PLCG1: variants seen among roughly 807,000 people sequenced by gnomAD.
PLCG1 encodes the protein 1-phosphatidylinositol 4,5-bisphosphate phosphodiesterase gamma-1.
Under a neutral mutation model 177.8 loss-of-function variants are expected in PLCG1, and 71 were observed. The observed-to-expected ratio is 0.40, with a 90% CI of 0.33 to 0.49. The LOEUF is 0.49. Among genes scored for constraint, PLCG1 ranks in the 20% least tolerant of loss-of-function variants. The probability of loss-of-function intolerance (pLI) is 0.72; values close to 1 mark genes in which losing one functional copy is unlikely to be tolerated. For missense variants in PLCG1, 1,281 were observed against 1,709.0 expected (o/e 0.75, Z 4.42); for synonymous variants, 658 against 647.9 (o/e 1.02, Z -0.24).
chr20:41,174,731 T>G lies in PLCG1; in HGVS notation c.*222T>G. Reference sequence around the variant, plus strand: ...CTCTGGATGAAGGCAAAAACTGTACTGTGTTTCGCATTAAGCACACACATC... The same window carrying G: ...CTCTGGATGAAGGCAAAAACTGTACGGTGTTTCGCATTAAGCACACACATC... On this transcript the variant is annotated 3_prime_UTR_variant, in exon 32 of 32. Transcript: ENST00000685551. This position sits in a 1 kb window ranked among gnomAD's most constrained non-coding sequence, Gnocchi z 5.8. 1 of 577,312 alleles carries G rather than the reference T, an allele frequency of 1.7e-6. No homozygotes were observed. The highest frequency in any genetic ancestry group is 2.0e-5 in the South Asian group (1 of 50,334). The allele number at this position is 577,312 out of a possible 1,614,324, so 35.8% of individuals were successfully genotyped here.
In PLCG1 at chr20:41,163,038, A is replaced by G. The variant is rs376173525; in HGVS notation, c.716+46A>G. On this transcript the variant is annotated intron_variant, in intron 7 of 31. Transcript: ENST00000685551. This position sits in a 1 kb window ranked among gnomAD's most constrained non-coding sequence, Gnocchi z 5.2. Reference sequence around the variant, plus strand: ...GTGGGGTTTTCCCTGGGCCCCCTTCATCTCTCCACTGGGCGATTCTTGATC... The same window carrying G: ...GTGGGGTTTTCCCTGGGCCCCCTTCGTCTCTCCACTGGGCGATTCTTGATC... 2 of 1,588,404 alleles carry G rather than the reference A, an allele frequency of 1.3e-6. No homozygotes were observed.
In PLCG1 at chr20:41,174,307, C is replaced by T. The variant is rs1201052162; in HGVS notation, c.3829C>T (p.Arg1277Ter). 4.3e-6 allele frequency: 7 copies of T among 1,613,238 alleles called. No homozygotes were observed. The highest frequency in any genetic ancestry group is 2.5e-6 in the Non-Finnish European group (3 of 1,179,216). Residue 1277 changes from arginine (R) to a stop codon, truncating the protein, a stop_gained, in exon 31 of 32, where the codon CGA becomes TGA. Coordinates refer to ENST00000685551, the MANE Select transcript of PLCG1 (RefSeq NM_002660.3). LOFTEE classifies it high-confidence loss of function. The surrounding 1 kb of genome is among the most constrained non-coding windows in gnomAD (Gnocchi z 5.8). ...HLADHFDSRE[R>*]RAPRRTRVNG... Reference sequence around the variant, plus strand: ...CGCAGACCATTTTGACAGTCGAGAACGAAGGTGAGGAAGATGGAGGGGTGC... The same window carrying T: ...CGCAGACCATTTTGACAGTCGAGAATGAAGGTGAGGAAGATGGAGGGGTGC...
At chr20:41,140,983 G>A (rs960734453) in intron 1 of PLCG1, among the ~76,000 whole-genome samples, 17 of 152,190 alleles carry the variant, frequency 1.1e-4, no homozygotes, top group African/African-American at 4.1e-4. Flanking sequence ...TGGCTCCTCT[G>A]TGAGACACCT....
Position 41,173,584 on chromosome 20 carries a change from GCCTCTCCCCACCAGTCATCCCAT to G in PLCG1, c.3394+59_3395-37del, listed in dbSNP as rs745937298. Reference sequence around the variant, plus strand: ...TCCTCATCCTGCTGGGGCACTGCAAGCCTCTCCCCACCAGTCATCCCATCCTCTCCCACGGTGACCTGAAGCCT... The same window carrying G: ...TCCTCATCCTGCTGGGGCACTGCAAGCCTCTCCCACGGTGACCTGAAGCCT... On this transcript the variant is annotated intron_variant, in intron 28 of 31. Transcript: ENST00000685551. The surrounding 1 kb of genome is among the most constrained non-coding windows in gnomAD (Gnocchi z 6.2). The G allele has an allele frequency of 4.3e-6, 7 of 1,613,884 alleles. No individual in the cohort carries two copies. The African/African-American group carries it at 9.3e-5, about 22-fold the overall frequency.
Position 41,168,113 on chromosome 20 carries a change from A to T in PLCG1, c.2379+184A>T, listed in dbSNP as rs917582974. On this transcript the variant is annotated intron_variant, in intron 20 of 31. Coordinates refer to ENST00000685551, the MANE Select transcript of PLCG1 (RefSeq NM_002660.3). ...ACCGCAGGTCTCCCAGGGCCGACCC[A>T]CTCCCTAGCCCCTACCCCTTAAGTC... 2.4e-4 allele frequency among the ~76,000 whole-genome samples: 37 copies of T among 151,550 alleles called. 1 individual carries two copies.
intron 1 of PLCG1, chr20:41,138,092 T>A (rs1007553432): frequency 8.3e-6 from 3 of 363,328 alleles, no homozygotes; most frequent in Non-Finnish European, 9.8e-6. Context: ...GGGGGAGTGT[T>A]CCAGGCGCTT....
At position 41,150,527 on chromosome 20, in the gene PLCG1, C is replaced by T. The variant is rs939842381; in HGVS notation, c.218-9079C>T. 1.3e-5 allele frequency among the ~76,000 whole-genome samples: 2 copies of T among 152,120 alleles called. No individual in the cohort carries two copies. Among genetic ancestry groups the T allele is most frequent in the African/African-American group, 4.8e-5 (2 of 41,418 alleles). On this transcript the variant is annotated intron_variant, in intron 1 of 31. Coordinates refer to ENST00000685551, the MANE Select transcript of PLCG1 (RefSeq NM_002660.3). This position sits in a 1 kb window ranked among gnomAD's most constrained non-coding sequence, Gnocchi z 4.0. Reference sequence around the variant, plus strand: ...AGGCAGCATCAGTCTGCAAGGGAGGCAGAGTTTGGAGCACACTAGACTCCT... The same window carrying T: ...AGGCAGCATCAGTCTGCAAGGGAGGTAGAGTTTGGAGCACACTAGACTCCT...
In PLCG1 at chr20:41,164,452, C is replaced by T. The variant is rs1025618590; in HGVS notation, c.1217+251C>T. On this transcript the variant is annotated intron_variant, in intron 12 of 31. Coordinates refer to ENST00000685551, the MANE Select transcript of PLCG1 (RefSeq NM_002660.3). The surrounding 1 kb of genome is among the most constrained non-coding windows in gnomAD (Gnocchi z 6.4). ...GGTCCTTTAGACTGTAGAACACATG[C>T]TCTTCTCATCTTCAGAAAACATGCC... Among the ~76,000 whole-genome samples the T allele has an allele frequency of 6.6e-6, 1 of 152,106 alleles. No individual in the cohort carries two copies. Among genetic ancestry groups the T allele is most frequent in the African/African-American group, 2.4e-5 (1 of 41,408 alleles).
chr20:41,172,650 G>C lies in PLCG1; in HGVS notation c.3130+5G>C. On this transcript the variant is annotated splice_donor_5th_base_variant and intron_variant, in intron 26 of 31. Transcript: ENST00000685551. This position sits in a 1 kb window ranked among gnomAD's most constrained non-coding sequence, Gnocchi z 7.0. The stretch of plus-strand genomic sequence containing the variant: ...CCCTCAACTTCCAGACCCCTGGTGA[G>C]GAAGTCCCCTGTGAGGAGGGTGAGG... The C allele has an allele frequency of 6.2e-7, 1 of 1,613,796 alleles. No homozygotes were observed. Among genetic ancestry groups the C allele is most frequent in the African/African-American group, 1.3e-5 (1 of 75,034 alleles).
rs2146028033 is a variant in PLCG1 at position 41,157,895 on chromosome 20, A to G, written c.218-1711A>G. 6.6e-6 allele frequency among the ~76,000 whole-genome samples: 1 copy of G among 152,300 alleles called. No individual in the cohort carries two copies. Among genetic ancestry groups the G allele is most frequent in the East Asian group, 1.9e-4 (1 of 5,182 alleles). On this transcript the variant is annotated intron_variant, in intron 1 of 31. Transcript: ENST00000685551. The surrounding 1 kb of genome is among the most constrained non-coding windows in gnomAD (Gnocchi z 5.4). ...TGTTGTTTGTTCTCCTTAGACTGGC[A>G]GTGGGCAGCCTCGGGAGGGGCTTGA...
Position 41,151,922 on chromosome 20 carries a change from G to T in PLCG1, c.218-7684G>T, listed in dbSNP as rs1489679843. Among the ~76,000 whole-genome samples the T allele has an allele frequency of 6.6e-6, 1 of 152,186 alleles. No individual in the cohort carries two copies. The highest frequency in any genetic ancestry group is 1.9e-4 in the East Asian group (1 of 5,188). ...TCTGGCTGCCTGTGAAGGGGGATCT[G>T]CAGTGCAGTGCCTGCCGTACCCCAC... is the stretch of plus-strand genomic sequence containing the variant. On this transcript the variant is annotated intron_variant, in intron 1 of 31. Transcript: ENST00000685551. This position sits in a 1 kb window ranked among gnomAD's most constrained non-coding sequence, Gnocchi z 5.5.
Position 41,151,284 on chromosome 20 carries a change from C to T in PLCG1, c.218-8322C>T, listed in dbSNP as rs916516412. Among the ~76,000 whole-genome samples, 5 of 152,152 alleles carry T rather than the reference C, an allele frequency of 3.3e-5. No homozygotes were observed. Among genetic ancestry groups the T allele is most frequent in the African/African-American group, 1.2e-4 (5 of 41,410 alleles). ...GCTGTGGGGACACTGCAGAGTGTCC[C>T]AGTTCTGCCATGACTCACCATATGA... On this transcript the variant is annotated intron_variant, in intron 1 of 31. Coordinates refer to ENST00000685551, the MANE Select transcript of PLCG1 (RefSeq NM_002660.3). This position sits in a 1 kb window ranked among gnomAD's most constrained non-coding sequence, Gnocchi z 5.5.
Position 41,156,846 on chromosome 20 carries a change from G to A in PLCG1, c.218-2760G>A, listed in dbSNP as rs2035336907. Among the ~76,000 whole-genome samples, 1 of 152,248 alleles carries A rather than the reference G, an allele frequency of 6.6e-6. No homozygotes were observed. The highest frequency in any genetic ancestry group is 1.5e-5 in the Non-Finnish European group (1 of 68,046). ...TCTGTCACCTGCCACCAGGGCAGAG[G>A]CCATTCCTCTCTGGGGAGTCTCCTT... On this transcript the variant is annotated intron_variant, in intron 1 of 31. Coordinates refer to ENST00000685551, the MANE Select transcript of PLCG1 (RefSeq NM_002660.3). This position sits in a 1 kb window ranked among gnomAD's most constrained non-coding sequence, Gnocchi z 5.0.
chr20:41,162,211 GTTTT>G (rs199840221), intron 4 of PLCG1, among the ~76,000 whole-genome samples: 1 of 137,828 alleles, frequency 7.3e-6, no homozygotes, highest in African/African-American at 2.7e-5. Context: ...AGAATTACAG[GTTTT>G]TTTTGTTTGT....
chr20:41,166,109 A>T lies in PLCG1; in HGVS notation c.1800-85A>T. ...CTCCCTCCTTGAGGCTCCCTCCTTG[A>T]GTTCCACCCTCATTTGGGGTGGAAC... On this transcript the variant is annotated intron_variant, in intron 16 of 31. Transcript: ENST00000685551. This position sits in a 1 kb window ranked among gnomAD's most constrained non-coding sequence, Gnocchi z 8.6. The T allele has an allele frequency of 8.1e-7, 1 of 1,227,208 alleles. No homozygotes were observed. The highest frequency in any genetic ancestry group is 1.2e-6 in the Non-Finnish European group (1 of 859,964). The allele number at this position is 1,227,208 out of a possible 1,614,324, so 76.0% of individuals were successfully genotyped here.
Position 41,157,202 on chromosome 20 carries a change from C to CTGTGTGTGTGTG in PLCG1, c.218-2403_218-2402insGTGTGTGTGTGT, listed in dbSNP as rs1491358367. Among the ~76,000 whole-genome samples the CTGTGTGTGTGTG allele has an allele frequency of 1.3e-4, 8 of 59,318 alleles. No individual in the cohort carries two copies. The highest frequency in any genetic ancestry group is 7.4e-4 in the African/African-American group (8 of 10,836). 38.9% of individuals were successfully genotyped at this position (59,318 alleles called of 152,430 possible). ...ATGTGCAGGAGTGCAGGCCTGTTGA[C>CTGTGTGTGTGTG]TCTGTGTGTGTGTGTGTGTGTGTGT... is the stretch of plus-strand genomic sequence containing the variant. On this transcript the variant is annotated intron_variant, in intron 1 of 31. Transcript: ENST00000685551. This position sits in a 1 kb window ranked among gnomAD's most constrained non-coding sequence, Gnocchi z 5.4.
Position 41,172,236 on chromosome 20 carries a change from T to C in PLCG1, c.2852T>C (p.Leu951Pro), listed in dbSNP as rs1393992845. ...ATGGAACGGAGGAAGAAGATTGCCC[T>C]GGAGCTCTCTGAACTTGTCGTCTAC... ...KIMERRKKIA[L>P]ELSELVVYCR... is the part of the protein sequence containing the mutation. Residue 951 changes from leucine to proline, a missense_variant, in exon 25 of 32, where the codon CTG (leucine) becomes CCG (proline). Coordinates refer to ENST00000685551, the MANE Select transcript of PLCG1 (RefSeq NM_002660.3). This position sits in a 1 kb window ranked among gnomAD's most constrained non-coding sequence, Gnocchi z 7.0. 1 of 1,614,160 alleles carries C rather than the reference T, an allele frequency of 6.2e-7. No individual in the cohort carries two copies. The highest frequency in any genetic ancestry group is 1.7e-5 in the Admixed American group (1 of 60,038).
rs1485846319 is a variant in PLCG1 at position 41,159,067 on chromosome 20, CAG to C, written c.218-538_218-537del. On this transcript the variant is annotated intron_variant, in intron 1 of 31. Transcript: ENST00000685551. This position sits in a 1 kb window ranked among gnomAD's most constrained non-coding sequence, Gnocchi z 6.0. ...GCTCTTGGACAGCCAGTGCCTTGGT[CAG>C]GGGATGGGGTGGGGATTAGGCCCCT... Among the ~76,000 whole-genome samples the C allele has an allele frequency of 6.6e-6, 1 of 152,104 alleles. No individual in the cohort carries two copies. The highest frequency in any genetic ancestry group is 1.5e-5 in the Non-Finnish European group (1 of 68,010).
At position 41,160,380 on chromosome 20, in the gene PLCG1, A is replaced by G. The variant is rs1021796395; in HGVS notation, c.512+227A>G. 6.6e-6 allele frequency among the ~76,000 whole-genome samples: 1 copy of G among 152,234 alleles called. No homozygotes were observed. The highest frequency in any genetic ancestry group is 1.5e-5 in the Non-Finnish European group (1 of 68,042). Reference sequence around the variant, plus strand: ...CCAGCCACATGCTGTGTGCCCTGCCACTATGGGCAGAGACTGGATGTGTAG... The same window carrying G: ...CCAGCCACATGCTGTGTGCCCTGCCGCTATGGGCAGAGACTGGATGTGTAG... On this transcript the variant is annotated intron_variant, in intron 4 of 31. Coordinates refer to ENST00000685551, the MANE Select transcript of PLCG1 (RefSeq NM_002660.3). The surrounding 1 kb of genome is among the most constrained non-coding windows in gnomAD (Gnocchi z 5.5).
Sources: gnomAD v4.1 joint callset for allele counts (sites outside exome capture counted in the v4.1 genomes callset) on GRCh38, gnomAD v4.1.1 for gene constraint, Gnocchi (gnomAD v3.1) non-coding constraint, MANE v1.5 for transcripts, NCBI Gene and HGNC (gene_info 2026-07-23, HGNC 2026-07-21) for gene names.